The following AGBL4 variants were observed in gnomAD, a reference collection of about 807,000 sequenced individuals.
The protein encoded by AGBL4 is cytosolic carboxypeptidase 6.
Under a neutral mutation model 66.4 loss-of-function variants are expected in AGBL4, and 58 were observed. The observed-to-expected ratio is 0.87, with a 90% CI of 0.71 to 1.09. The LOEUF (loss-of-function observed/expected upper bound fraction) is 1.09, where lower values mean the gene tolerates loss of function less well. Ranked by LOEUF, AGBL4 falls within the 50% of genes least tolerant of loss-of-function variation. The pLI, the probability that AGBL4 is intolerant of heterozygous loss-of-function variation, is 0.00. For synonymous variants in AGBL4, 234 were observed against 222.9 expected (o/e 1.05, Z -0.44); for missense variants, 579 against 631.0 (o/e 0.92, Z 0.88).
intron 2 of AGBL4, among the ~76,000 whole-genome samples, chr1:49,699,826 A>G (rs1647053248): frequency 6.6e-6 from 1 of 151,966 alleles, no homozygotes; most frequent in Non-Finnish European, 1.5e-5. Context: ...CATGTACAGC[A>G]TGAGGATTAT....
At chr1:49,361,732 G>A (rs528514855) in intron 3 of AGBL4, among the ~76,000 whole-genome samples, 1 of 151,810 alleles carries the variant, frequency 6.6e-6, no homozygotes, top group African/African-American at 2.4e-5. Flanking sequence ...CTATTCATTC[G>A]CCATTTTTCA....
chr1:49,280,481 A>T (rs1644252955), intron 3 of AGBL4, among the ~76,000 whole-genome samples: 1 of 152,200 alleles, frequency 6.6e-6, no homozygotes. Flanking sequence ...TACACATTCT[A>T]GAGAATGGGT....
At chr1:48,575,427 A>G (rs903707570) in intron 11 of AGBL4, among the ~76,000 whole-genome samples, 3 of 152,110 alleles carry the variant, frequency 2.0e-5, no homozygotes, top group South Asian at 2.1e-4. Flanking sequence ...CGATATGTTC[A>G]CCTATCTCCA....
At chr1:49,577,290 C>T (rs537475900) in intron 3 of AGBL4, among the ~76,000 whole-genome samples, 4 of 152,196 alleles carry the variant, frequency 2.6e-5, no homozygotes, top group Non-Finnish European at 5.9e-5. Flanking sequence ...CCCATGTCAT[C>T]GCCCAATGGG....
At chr1:49,505,131 C>A (rs192876534) in intron 3 of AGBL4, among the ~76,000 whole-genome samples, 317 of 152,086 alleles carry the variant, frequency 2.1e-3, no homozygotes, top group African/African-American at 7.2e-3. Flanking sequence ...ACTTTCACTC[C>A]AACTCCCATT....
At chr1:49,687,486 T>C (rs1646807820) in intron 3 of AGBL4, among the ~76,000 whole-genome samples, 1 of 152,074 alleles carries the variant, frequency 6.6e-6, no homozygotes. Context: ...AGAATAAAAA[T>C]ATGGGCAGAG....
intron 3 of AGBL4, among the ~76,000 whole-genome samples, chr1:49,383,119 C>T (rs1373193691): frequency 6.6e-6 from 1 of 152,096 alleles, no homozygotes; most frequent in Non-Finnish European, 1.5e-5. Flanking sequence ...ATACTAAAAA[C>T]TACAAAGCAT....
intron 3 of AGBL4, among the ~76,000 whole-genome samples, chr1:49,463,111 T>C (rs1646550988): frequency 6.6e-6 from 1 of 151,702 alleles, no homozygotes; most frequent in Admixed American, 6.6e-5. Context: ...TTATCTCAAT[T>C]AATGCAATAT....
intron 5 of AGBL4, among the ~76,000 whole-genome samples, chr1:48,977,909 T>C (rs1244685334): frequency 6.6e-6 from 1 of 152,142 alleles, no homozygotes; most frequent in Non-Finnish European, 1.5e-5. Context: ...ATGCATACTC[T>C]TCAGAATATA....
At chr1:48,686,251 C>T (rs556555970) in intron 6 of AGBL4, among the ~76,000 whole-genome samples, 1 of 152,312 alleles carries the variant, frequency 6.6e-6, no homozygotes, top group South Asian at 2.1e-4. Flanking sequence ...GGTGCCCTGC[C>T]TCTGAATCCC....
chr1:48,686,378 G>A (rs1048955343), intron 6 of AGBL4, among the ~76,000 whole-genome samples: 2 of 152,194 alleles, frequency 1.3e-5, no homozygotes, highest in Non-Finnish European at 2.9e-5. Context: ...GCTCAAGTTT[G>A]TTTAGAGCAG....
chr1:49,057,351 C>T (rs1644326264), intron 4 of AGBL4, among the ~76,000 whole-genome samples: 1 of 152,058 alleles, frequency 6.6e-6, no homozygotes, highest in Admixed American at 6.6e-5. Flanking sequence ...CAAGGAGGTT[C>T]AGGCTGCAGT....
At chr1:49,923,697 C>T (rs1481016179) in intron 1 of AGBL4, among the ~76,000 whole-genome samples, 2 of 151,768 alleles carry the variant, frequency 1.3e-5, no homozygotes, top group Non-Finnish European at 2.9e-5. Flanking sequence ...CAAGTGAACA[C>T]AATTATATGA....
intron 9 of AGBL4, among the ~76,000 whole-genome samples, chr1:48,613,933 G>A (rs1000545470): frequency 6.6e-6 from 1 of 152,226 alleles, no homozygotes; most frequent in African/African-American, 2.4e-5. Flanking sequence ...CAATAATTAT[G>A]AGTTAAGGCC....
chr1:48,711,254 T>C (rs1201266978), intron 6 of AGBL4, among the ~76,000 whole-genome samples: 1 of 152,090 alleles, frequency 6.6e-6, no homozygotes, highest in Non-Finnish European at 1.5e-5. Context: ...AGCCCTGAGG[T>C]TCAGAGATGC....
chr1:49,860,369 T>G (rs1342577664), intron 1 of AGBL4, among the ~76,000 whole-genome samples: 2 of 152,384 alleles, frequency 1.3e-5, no homozygotes, highest in East Asian at 3.8e-4. Context: ...GGCAATTCAA[T>G]GTAGAGAAGA....
intron 6 of AGBL4, among the ~76,000 whole-genome samples, chr1:48,697,223 G>C (rs1646725753): frequency 6.6e-6 from 1 of 152,124 alleles, no homozygotes; most frequent in Non-Finnish European, 1.5e-5. Flanking sequence ...GTTCATCTTT[G>C]GACATCACCA....
chr1:48,762,255 A>G (rs1644299691), intron 6 of AGBL4, among the ~76,000 whole-genome samples: 1 of 152,228 alleles, frequency 6.6e-6, no homozygotes, highest in African/African-American at 2.4e-5. Flanking sequence ...CTACACAAAT[A>G]TAAAAGGATA....
At chr1:49,479,188 A>G (rs1646903775) in intron 3 of AGBL4, among the ~76,000 whole-genome samples, 1 of 152,194 alleles carries the variant, frequency 6.6e-6, no homozygotes, top group South Asian at 2.1e-4. Context: ...TATAAAATCA[A>G]TATACAAAAA....
Sources: allele counts gnomAD v4.1 joint callset (sites outside exome capture counted in the v4.1 genomes callset), GRCh38; gene constraint gnomAD v4.1.1; transcripts MANE v1.5; gene names NCBI Gene and HGNC (gene_info 2026-07-23, HGNC 2026-07-21).